Variants in NCAPD2 observed in about 807,000 individuals in gnomAD.
NCAPD2 encodes the protein non-SMC condensin I complex subunit D2.
In NCAPD2, 100 loss-of-function variants were observed where a neutral mutation model predicts 164.5. The ratio of observed to expected loss-of-function variants is 0.61; its 90% CI spans 0.52 to 0.72. The LOEUF is 0.72. NCAPD2 is among the 30% of genes least tolerant of loss of function. NCAPD2 has a pLI of 0.00. For missense variants in NCAPD2, 1,560 were observed against 1,749.2 expected (o/e 0.89, Z 1.93); for synonymous variants, 585 against 642.6 (o/e 0.91, Z 1.36).
At chr12:6,495,517 T>C (rs1309215754) in intron 2 of NCAPD2, among the ~76,000 whole-genome samples, 1 of 152,226 alleles carries the variant, frequency 6.6e-6, no homozygotes, top group Non-Finnish European at 1.5e-5. Flanking sequence ...AATTAAGTCC[T>C]GGTGGATTTA....
intron 17 of NCAPD2, 59 bp from the exon 18 acceptor site, chr12:6,525,524 A>T (rs201477928): frequency 1.9e-4 from 298 of 1,556,660 alleles, no homozygotes; most frequent in Non-Finnish European, 2.4e-4. Context: ...TCAGAAAAGC[A>T]GACCAAAGAT....
chr12:6,504,204 T>TATATATATATATATATATAGATATAG (rs1946073182), intron 2 of NCAPD2, among the ~76,000 whole-genome samples: 1 of 22,616 alleles, frequency 4.4e-5, no homozygotes, highest in East Asian at 1.5e-3. Flanking sequence ...TATATATATA[T>TATATATATATATATATATAGATATAG]ATATATATAT....
At chr12:6,522,397 G>A (rs957482991) in intron 15 of NCAPD2, among the ~76,000 whole-genome samples, 1 of 151,856 alleles carries the variant, frequency 6.6e-6, no homozygotes, top group African/African-American at 2.4e-5. Flanking sequence ...GAGCAGCCTG[G>A]GCAACATAGC....
In NCAPD2 at chr12:6,495,142, A is replaced by T. The variant is rs777110079; in HGVS notation, c.44A>T (p.Glu15Val). Reference sequence around the variant, plus strand: ...GAGTTCCATCTGCCATTATCCCCAGAGGAGTTGTTGAAAAGTGGAGGGGTG... The same window carrying T: ...GAGTTCCATCTGCCATTATCCCCAGTGGAGTTGTTGAAAAGTGGAGGGGTG... The part of the protein sequence containing the change: ...MYEFHLPLSP[E>V]ELLKSGGVNQ... Residue 15 changes from glutamate to valine, a missense_variant, in exon 2 of 32, where the codon GAG becomes GTG. Transcript: ENST00000315579. 2 of 1,614,036 alleles carry T rather than the reference A, an allele frequency of 1.2e-6. No individual in the cohort carries two copies. The highest frequency in any genetic ancestry group is 1.3e-5 in the African/African-American group (1 of 74,922).
intron 14 of NCAPD2, among the ~76,000 whole-genome samples, chr12:6,521,392 A>G (rs1207176291): frequency 1.3e-5 from 2 of 152,218 alleles, no homozygotes; most frequent in Non-Finnish European, 2.9e-5. Context: ...GTGAAAAGAG[A>G]TATCCAGGGC....
chr12:6,513,655 T>G (rs1436703443), intron 6 of NCAPD2, among the ~76,000 whole-genome samples: 2 of 150,808 alleles, frequency 1.3e-5, no homozygotes, highest in Non-Finnish European at 2.9e-5. Flanking sequence ...GAAAGACCAC[T>G]TGAGATGCAG....
At position 6,518,514 on chromosome 12, in the gene NCAPD2, T is replaced by TTTGTTTTTTG. The variant is rs1565544166; in HGVS notation, c.1589+557_1589+558insGTTTTTTGTT. Among the ~76,000 whole-genome samples the TTTGTTTTTTG allele has an allele frequency of 1.6e-4, 17 of 107,104 alleles. 2 individuals carry two copies. In the South Asian group the frequency reaches 5.1e-3, roughly 32 times the overall value. 70.3% of individuals were successfully genotyped at this position (107,104 alleles called of 152,430 possible). On this transcript the variant is annotated intron_variant, in intron 13 of 31. Coordinates refer to ENST00000315579, the MANE Select transcript of NCAPD2 (RefSeq NM_014865.4). ...TACAGCCGTCAACAAGTTTTTTTTTTTTTTTTTTTTTTTTTTTTTTGAGAT... is the reference window on the plus strand; with the variant it reads ...TACAGCCGTCAACAAGTTTTTTTTTTTTGTTTTTTGTTTTTTTTTTTTTTTTTTTTGAGAT...
intron 2 of NCAPD2, among the ~76,000 whole-genome samples, chr12:6,507,261 G>T (rs1251436393): frequency 1.3e-5 from 2 of 152,228 alleles, no homozygotes; most frequent in African/African-American, 2.4e-5. Context: ...ACAGGCTTGA[G>T]CCCAGCCCAT....
chr12:6,507,696 G>A (rs1271034628), intron 2 of NCAPD2, among the ~76,000 whole-genome samples: 5 of 152,158 alleles, frequency 3.3e-5, no homozygotes, highest in African/African-American at 7.2e-5. Context: ...GGAAGGAATA[G>A]TAATAGTAAG....
At chr12:6,510,930 A>G (rs1394484992) in intron 5 of NCAPD2, 120 bp downstream of exon 5, 9 of 1,354,974 alleles carry the variant, frequency 6.6e-6, no homozygotes, top group Non-Finnish European at 8.1e-6. Flanking sequence ...TTTAGGAGAA[A>G]GAACTCAAAA....
rs533512467 is a variant in NCAPD2 at position 6,503,443 on chromosome 12, C to T, written c.128-6274C>T. ...AGAAGGCAGAAGGGCACAAGTGAAC[C>T]CACTCCCCAGAGCCCTTTTTATAAT... On this transcript the variant is annotated intron_variant, in intron 2 of 31. Coordinates refer to ENST00000315579, the MANE Select transcript of NCAPD2 (RefSeq NM_014865.4). 5.7e-4 allele frequency among the ~76,000 whole-genome samples: 86 copies of T among 152,208 alleles called. 1 individual carries two copies. The South Asian group carries it at 0.017, about 30-fold the overall frequency.
At chr12:6,502,574 G>A (rs1370006137) in intron 2 of NCAPD2, among the ~76,000 whole-genome samples, 1 of 152,038 alleles carries the variant, frequency 6.6e-6, no homozygotes, top group Non-Finnish European at 1.5e-5. Flanking sequence ...ATTTGCCAGG[G>A]GAGTATGTGT....
In NCAPD2 at chr12:6,525,926, C is replaced by G. The variant is rs905809199; in HGVS notation, c.2349-142C>G. On this transcript the variant is annotated intron_variant, in intron 18 of 31. Coordinates refer to ENST00000315579, the MANE Select transcript of NCAPD2 (RefSeq NM_014865.4). ...CAGTAAAGCAACAGGACCCAAGAGGCTGGCCCTGCGGCAGAGCCACGCTAT... is the reference window on the plus strand; with the variant it reads ...CAGTAAAGCAACAGGACCCAAGAGGGTGGCCCTGCGGCAGAGCCACGCTAT... The G allele has an allele frequency of 5.6e-6, 7 of 1,256,376 alleles. No individual in the cohort carries two copies. In the African/African-American group the frequency reaches 7.4e-5, roughly 13 times the overall value. The allele number at this position is 1,256,376 out of a possible 1,614,324, so 77.8% of individuals were successfully genotyped here. A position where few individuals can be genotyped will look rare whatever the true frequency, so the allele number is the denominator to read the frequency against.
chr12:6,500,276 A>G (rs1335822781), intron 2 of NCAPD2, among the ~76,000 whole-genome samples: 1 of 152,192 alleles, frequency 6.6e-6, no homozygotes, highest in African/African-American at 2.4e-5. Flanking sequence ...TTAAAAATAA[A>G]TAATATAAAG....
chr12:6,503,934 T>C lies in NCAPD2; in HGVS notation c.128-5783T>C, dbSNP rs561406939. Reference sequence around the variant, plus strand: ...CAGAGGTTGCAGTGAGCTAACATCATGCCACTGCACTCCAGCCTGGGCGAC... The same window carrying C: ...CAGAGGTTGCAGTGAGCTAACATCACGCCACTGCACTCCAGCCTGGGCGAC... On this transcript the variant is annotated intron_variant, in intron 2 of 31. Coordinates refer to ENST00000315579, the MANE Select transcript of NCAPD2 (RefSeq NM_014865.4). Among the ~76,000 whole-genome samples the C allele has an allele frequency of 5.3e-5, 8 of 152,082 alleles. No homozygotes were observed. In the South Asian group the frequency reaches 1.5e-3, roughly 28 times the overall value.
At chr12:6,504,182 CATAT>C (rs1176237960) in intron 2 of NCAPD2, among the ~76,000 whole-genome samples, 1,098 of 57,616 alleles carry the variant, frequency 0.019, 24 homozygotes, top group Non-Finnish European at 0.025. Flanking sequence ...TATATATATA[CATAT>C]ATATATATAT....
rs913508713 is a variant in NCAPD2, at chr12:6,521,982, G to T, written c.1899G>T (p.Lys633Asn). The change falls in exon 15 of 32, where the codon AAG becomes AAT. Residue 633 changes from lysine to asparagine, a missense_variant. Transcript: ENST00000315579. The part of the protein sequence containing the change: ...YLQDAYSFSR[K>N]ITEAIGIISK... Reference sequence around the variant, plus strand: ...AGGATGCCTACAGCTTCTCCCGGAAGATTACAGAGGCCATTGGCATCATCA... The same window carrying T: ...AGGATGCCTACAGCTTCTCCCGGAATATTACAGAGGCCATTGGCATCATCA... 6.2e-7 allele frequency: 1 copy of T among 1,614,086 alleles called. No homozygotes were observed. The highest frequency in any genetic ancestry group is 8.5e-7 in the Non-Finnish European group (1 of 1,180,044).
intron 14 of NCAPD2, 88 bp from the exon 15 acceptor site, chr12:6,521,710 A>C: frequency 4.8e-6 from 7 of 1,472,772 alleles, no homozygotes; most frequent in Non-Finnish European, 6.4e-6. Context: ...AGGAAAATAA[A>C]TAAGTAAATA....
intron 2 of NCAPD2, among the ~76,000 whole-genome samples, chr12:6,508,380 A>G (rs1227103637): frequency 1.3e-5 from 2 of 152,210 alleles, no homozygotes; most frequent in African/African-American, 4.8e-5. Flanking sequence ...ACACAGGCCA[A>G]GTTGAAGGAG....
Sources: allele counts gnomAD v4.1 joint callset (sites outside exome capture counted in the v4.1 genomes callset), GRCh38; gene constraint gnomAD v4.1.1; transcripts MANE v1.5; gene names NCBI Gene and HGNC (gene_info 2026-07-23, HGNC 2026-07-21).